NVL: variants seen among roughly 807,000 people sequenced by gnomAD.
The protein encoded by NVL is nuclear VCP like, also known as nuclear valosin-containing protein-like.
Under a neutral mutation model 110.2 loss-of-function variants are expected in NVL, and 84 were observed. That is an observed-to-expected ratio of 0.76 (90% CI 0.64 to 0.91). The LOEUF (loss-of-function observed/expected upper bound fraction) is 0.91, where lower values mean the gene tolerates loss of function less well. Ranked by LOEUF, NVL falls within the 40% of genes least tolerant of loss-of-function variation. The probability of loss-of-function intolerance (pLI) is 0.00; values close to 1 mark genes in which losing one functional copy is unlikely to be tolerated. For missense variants in NVL, 882 were observed against 1,035.9 expected (o/e 0.85, Z 2.04); for synonymous variants, 354 against 361.1 (o/e 0.98, Z 0.22).
chr1:224,258,979 TAAA>T (rs34767555), intron 18 of NVL, among the ~76,000 whole-genome samples: 24 of 60,196 alleles, frequency 4.0e-4, no homozygotes, highest in Admixed American at 4.9e-4. Flanking sequence ...GTCTCTACAT[TAAA>T]AAAAAAAAAA....
In NVL at chr1:224,303,825, G is replaced by A. The variant is rs777635181; in HGVS notation, c.858C>T (p.His286=). 3.0e-5 allele frequency: 49 copies of A among 1,613,714 alleles called. 3 individuals carry two copies. In the South Asian group the frequency reaches 4.9e-4, roughly 16 times the overall value. ...EVCKMLIHMR[H]PEVYHHLGVV... ...CGCCCAGGTGGTGGTACACCTCCGG[G>A]TGACGCATGTGTATGAGCATCTTGC... Residue 286 remains histidine, a synonymous_variant, in exon 9 of 23, where the codon CAC becomes CAT. Transcript: ENST00000281701.
Position 224,310,731 on chromosome 1 carries a change from T to G in NVL, c.342+1069A>C, listed in dbSNP as rs190892961. On this transcript the variant is annotated intron_variant, in intron 5 of 22. Transcript: ENST00000281701. ...TTTTTTTCTTTCCCTCTTTCTTTCC[T>G]TCTCCTCTCTCTCTCTCTCTTTTGC... 1.3e-4 allele frequency among the ~76,000 whole-genome samples: 19 copies of G among 151,786 alleles called. No homozygotes were observed. In the East Asian group the frequency reaches 3.5e-3, roughly 28 times the overall value.
At position 224,227,629 on chromosome 1, in the gene NVL, C is replaced by A; in HGVS notation, c.2568G>T (p.Arg856=). ...TCTAAGCCGGCTGCTGGAGACATCA[C>A]CGGCTGAGGGACTCCTGCAAACGTT... ...MYERLQESLS[R] The change falls in exon 23 of 23, where the codon CGG becomes CGT. Residue 856 remains arginine, a synonymous_variant. Transcript: ENST00000281701. The A allele has an allele frequency of 6.2e-7, 1 of 1,610,986 alleles. No individual in the cohort carries two copies. Among genetic ancestry groups the A allele is most frequent in the Non-Finnish European group, 8.5e-7 (1 of 1,178,106 alleles).
At chr1:224,324,448 G>A (rs931003568) in intron 2 of NVL, among the ~76,000 whole-genome samples, 21 of 152,082 alleles carry the variant, frequency 1.4e-4, no homozygotes, top group Non-Finnish European at 2.9e-5. Flanking sequence ...TTTATTTTTA[G>A]AGACAGGGTC....
intron 19 of NVL, among the ~76,000 whole-genome samples, chr1:224,237,635 G>A (rs1660633516): frequency 6.6e-6 from 1 of 151,790 alleles, no homozygotes; most frequent in Non-Finnish European, 1.5e-5. Context: ...AGGAGTGAGT[G>A]GAACAACCAC....
At chr1:224,296,708 C>T in intron 10 of NVL, 90 bp from the exon 11 acceptor site, 2 of 777,476 alleles carry the variant, frequency 2.6e-6, no homozygotes, top group Non-Finnish European at 2.0e-6. Context: ...AAAAAATCTT[C>T]AAGGTCAAGG....
intron 5 of NVL, among the ~76,000 whole-genome samples, chr1:224,310,066 A>G (rs1370797500): frequency 6.6e-6 from 1 of 151,712 alleles, no homozygotes; most frequent in Non-Finnish European, 1.5e-5. Context: ...CAGGAGAATC[A>G]CTTGAGCTGG....
rs368292811 is a variant in NVL, at chr1:224,272,814, C to T, written c.2082+2525G>A. 2.6e-4 allele frequency among the ~76,000 whole-genome samples: 40 copies of T among 151,624 alleles called. 1 individual carries two copies. In the South Asian group the frequency reaches 2.7e-3, roughly 10 times the overall value. On this transcript the variant is annotated intron_variant, in intron 17 of 22. Coordinates refer to ENST00000281701, the MANE Select transcript of NVL (RefSeq NM_002533.4). ...CTTTGGGAGGCCGAGGCGGGCGGAT[C>T]GCGAGGTCAGGAGATCGAGACCATC...
At chr1:224,248,588 TA>T (rs1662121526) in intron 19 of NVL, among the ~76,000 whole-genome samples, 1 of 152,136 alleles carries the variant, frequency 6.6e-6, no homozygotes, top group African/African-American at 2.4e-5. Flanking sequence ...AAAAGAATAC[TA>T]AAAAAAGTTA....
chr1:224,258,979 TAAAAAAA>T (rs34767555), intron 18 of NVL, among the ~76,000 whole-genome samples: 1 of 60,210 alleles, frequency 1.7e-5, no homozygotes, highest in African/African-American at 5.6e-5. Context: ...GTCTCTACAT[TAAAAAAA>T]AAAAAAAAAA....
chr1:224,274,215 C>T (rs1571911019), intron 17 of NVL, among the ~76,000 whole-genome samples: 1 of 150,816 alleles, frequency 6.6e-6, no homozygotes, highest in African/African-American at 2.4e-5. Context: ...CGCTTGAACC[C>T]GGGTGGCAGA....
At chr1:224,242,724 T>C (rs1661343322) in intron 19 of NVL, among the ~76,000 whole-genome samples, 1 of 151,996 alleles carries the variant, frequency 6.6e-6, no homozygotes, top group Admixed American at 6.6e-5. Context: ...TGCCTCGGCC[T>C]CCCAAAGTGC....
At position 224,303,780 on chromosome 1, in the gene NVL, A is replaced by T; in HGVS notation, c.903T>A (p.Val301=). ...HHLGVVPPRG[V]LLHGPPGCGK... ...CACAGCCTGGTGGTCCATGAAGGAG[A>T]ACTCCACGAGGGGGCACGACGCCCA... is the stretch of plus-strand genomic sequence containing the variant. The change falls in exon 9 of 23, where the codon GTT becomes GTA. Residue 301 remains valine, a synonymous_variant. Coordinates refer to ENST00000281701, the MANE Select transcript of NVL (RefSeq NM_002533.4). The T allele has an allele frequency of 6.2e-7, 1 of 1,613,626 alleles. No individual in the cohort carries two copies. Among genetic ancestry groups the T allele is most frequent in the Non-Finnish European group, 8.5e-7 (1 of 1,179,806 alleles).
chr1:224,230,311 T>C (rs1188720756), intron 22 of NVL, among the ~76,000 whole-genome samples: 1 of 152,198 alleles, frequency 6.6e-6, no homozygotes, highest in Non-Finnish European at 1.5e-5. Flanking sequence ...TGATTAAAAT[T>C]CTGAGATTGT....
At chr1:224,259,905 A>C (rs1393823456) in intron 18 of NVL, among the ~76,000 whole-genome samples, 1 of 151,812 alleles carries the variant, frequency 6.6e-6, no homozygotes, top group African/African-American at 2.4e-5. Context: ...CCTGGCCTCA[A>C]GTGATCTGCT....
intron 17 of NVL, among the ~76,000 whole-genome samples, chr1:224,270,792 AC>A (rs1295769348): frequency 6.6e-6 from 1 of 152,222 alleles, no homozygotes; most frequent in Non-Finnish European, 1.5e-5. Flanking sequence ...GTAATCAGGG[AC>A]ATGTATACTA....
chr1:224,294,470 G>T, intron 11 of NVL, 59 bp from the exon 12 acceptor site: 2 of 1,535,746 alleles, frequency 1.3e-6, no homozygotes, highest in South Asian at 1.1e-5. Context: ...GGCAATAATG[G>T]TTACAGAATC....
chr1:224,308,123 G>C lies in NVL; in HGVS notation c.483C>G (p.Pro161=), dbSNP rs758265599. The C allele has an allele frequency of 1.9e-6, 3 of 1,613,998 alleles. No individual in the cohort carries two copies. Among genetic ancestry groups the C allele is most frequent in the Admixed American group, 3.3e-5 (2 of 59,992 alleles). The change falls in exon 6 of 23, where the codon CCC becomes CCG. Residue 161 remains proline, a synonymous_variant. Transcript: ENST00000281701. ...PRISSKTGSI[P]LKTPAKDSEG... ...CAGAATCTTTGGCAGGGGTCTTCAA[G>C]GGAATGGAGCCTGTTTTGGAACTTA...
intron 15 of NVL, among the ~76,000 whole-genome samples, chr1:224,285,287 T>C (rs1300696555): frequency 6.6e-6 from 1 of 152,002 alleles, no homozygotes; most frequent in Non-Finnish European, 1.5e-5. Flanking sequence ...ATACAAAAAT[T>C]AGCCGGGCGT....
Sources: gnomAD v4.1 joint callset for allele counts (sites outside exome capture counted in the v4.1 genomes callset) on GRCh38, gnomAD v4.1.1 for gene constraint, MANE v1.5 for transcripts, NCBI Gene and HGNC (gene_info 2026-07-23, HGNC 2026-07-21) for gene names.